KCNQ5: variants seen among roughly 807,000 people sequenced by gnomAD.
The protein encoded by KCNQ5 is potassium voltage-gated channel subfamily KQT member 5.
KCNQ5 carries 30 observed loss-of-function variants against 98.2 expected under a neutral mutation model. The ratio of observed to expected loss-of-function variants is 0.31; its 90% CI spans 0.23 to 0.41. KCNQ5 has a LOEUF of 0.41. Among genes scored for constraint, KCNQ5 ranks in the 10% least tolerant of loss-of-function variants. The probability of loss-of-function intolerance (pLI) is 1.00; values close to 1 mark genes in which losing one functional copy is unlikely to be tolerated. For missense variants in KCNQ5, 835 were observed against 1,182.5 expected, an observed-to-expected ratio of 0.71 and a Z score of 4.31; for synonymous variants, 458 against 449.4, an observed-to-expected ratio of 1.02 and a Z score of -0.24.
chr6:73,181,493 CTCTTCT>C (rs1778403451), intron 11 of KCNQ5, among the ~76,000 whole-genome samples: 4 of 152,206 alleles, frequency 2.6e-5, no homozygotes, highest in African/African-American at 9.6e-5. Context: ...CACTCCCTTT[CTCTTCT>C]AAGGTAATCC....
chr6:72,751,978 A>G (rs1481415475), intron 1 of KCNQ5, among the ~76,000 whole-genome samples: 1 of 152,096 alleles, frequency 6.6e-6, no homozygotes, highest in Non-Finnish European at 1.5e-5. Flanking sequence ...ATAGGATTCA[A>G]ATGTACATCT....
intron 11 of KCNQ5, among the ~76,000 whole-genome samples, chr6:73,176,011 G>A (rs896595788): frequency 3.9e-5 from 6 of 152,204 alleles, no homozygotes; most frequent in African/African-American, 1.2e-4. Context: ...TAGAAAGCAC[G>A]GGTGATGGTT....
At chr6:73,183,293 T>C (rs1350677630) in intron 11 of KCNQ5, among the ~76,000 whole-genome samples, 1 of 152,212 alleles carries the variant, frequency 6.6e-6, no homozygotes, top group African/African-American at 2.4e-5. Context: ...TCTGTGACCT[T>C]GAACAGGTAA....
In KCNQ5 at chr6:73,133,612, A is replaced by G. The variant is rs764093288; in HGVS notation, c.1439A>G (p.Lys480Arg). The G allele has an allele frequency of 2.5e-6, 4 of 1,614,236 alleles. No individual in the cohort carries two copies. The highest frequency in any genetic ancestry group is 2.5e-6 in the Non-Finnish European group (3 of 1,180,036). ...CGCTTCCGGCCCTCGCTGCGCCTCA[A>G]AAGTTCTCAGCCAAAACCAGTGATA... is the stretch of plus-strand genomic sequence containing the variant. ...RTRFRPSLRLKSSQPKPVIDA... is the reference protein window; with the variant it reads ...RTRFRPSLRLRSSQPKPVIDA... Residue 480 changes from lysine to arginine, a missense_variant, in exon 10 of 14, where the codon AAA (lysine) becomes AGA (arginine). Lys to Arg is a conservative substitution (Grantham distance 26, BLOSUM62 2). Transcript: ENST00000370398.
At chr6:73,083,003 G>A (rs992425048) in intron 5 of KCNQ5, among the ~76,000 whole-genome samples, 7 of 144,966 alleles carry the variant, frequency 4.8e-5, no homozygotes, top group African/African-American at 7.6e-5. Context: ...CAGCCCTCCC[G>A]CCTCAGCCTC....
chr6:72,769,797 TTTCTC>T (rs1174815354), intron 1 of KCNQ5, among the ~76,000 whole-genome samples: 2 of 152,116 alleles, frequency 1.3e-5, no homozygotes, highest in East Asian at 3.9e-4. Flanking sequence ...ATGTTGGGCT[TTTCTC>T]TTGGTTTGTT....
At chr6:72,969,766 G>A (rs192277931) in intron 1 of KCNQ5, among the ~76,000 whole-genome samples, 2 of 151,916 alleles carry the variant, frequency 1.3e-5, no homozygotes, top group Admixed American at 6.5e-5. Context: ...GTCAACTATT[G>A]CGGCTCTTTC....
chr6:72,785,535 A>G (rs1773693077), intron 1 of KCNQ5, among the ~76,000 whole-genome samples: 1 of 152,070 alleles, frequency 6.6e-6, no homozygotes, highest in Non-Finnish European at 1.5e-5. Flanking sequence ...CTGTAATCCC[A>G]GATACTCGGG....
chr6:72,992,776 A>G (rs1226763754), intron 1 of KCNQ5, among the ~76,000 whole-genome samples: 1 of 110,132 alleles, frequency 9.1e-6, no homozygotes, highest in Non-Finnish European at 1.7e-5. Flanking sequence ...ACATTTTGGC[A>G]TGATTTTGCA....
intron 1 of KCNQ5, among the ~76,000 whole-genome samples, chr6:72,957,343 G>C (rs1767132379): frequency 6.6e-6 from 1 of 151,626 alleles, no homozygotes; most frequent in African/African-American, 2.4e-5. Context: ...GCTAATTTTT[G>C]TGTTTTTAGT....
At chr6:72,924,144 T>C (rs1387968418) in intron 1 of KCNQ5, among the ~76,000 whole-genome samples, 1 of 152,214 alleles carries the variant, frequency 6.6e-6, no homozygotes, top group African/African-American at 2.4e-5. Context: ...AGTTTTCTTA[T>C]AGTTCATCTT....
chr6:73,068,361 A>T (rs929984292), intron 3 of KCNQ5, among the ~76,000 whole-genome samples: 2 of 152,196 alleles, frequency 1.3e-5, no homozygotes, highest in South Asian at 4.1e-4. Flanking sequence ...CTATCCTGCT[A>T]TGTAATCAGT....
chr6:72,775,095 G>C (rs1773095773), intron 1 of KCNQ5, among the ~76,000 whole-genome samples: 1 of 152,112 alleles, frequency 6.6e-6, no homozygotes, highest in Non-Finnish European at 1.5e-5. Context: ...AAATACATGT[G>C]TTATATTCAC....
intron 1 of KCNQ5, among the ~76,000 whole-genome samples, chr6:72,846,704 T>C (rs545268457): frequency 1.1e-3 from 164 of 152,264 alleles, no homozygotes; most frequent in African/African-American, 3.8e-3. Flanking sequence ...TGACTGCTTA[T>C]GTACCTTCCT....
chr6:72,935,715 C>T (rs926240317), intron 1 of KCNQ5, among the ~76,000 whole-genome samples: 1 of 152,110 alleles, frequency 6.6e-6, no homozygotes, highest in African/African-American at 2.4e-5. Flanking sequence ...ACGGTCTCCA[C>T]TTCCTTCATC....
At chr6:72,648,829 A>C (rs894276191) in intron 1 of KCNQ5, among the ~76,000 whole-genome samples, 14 of 151,516 alleles carry the variant, frequency 9.2e-5, no homozygotes, top group Non-Finnish European at 1.5e-5. Context: ...TCTCAGAAGA[A>C]AAAAAAAGAA....
At position 72,622,144 on chromosome 6, in the gene KCNQ5, C is replaced by A. The variant is rs1289886898; in HGVS notation, c.-46C>A. The A allele has an allele frequency of 8.2e-7, 1 of 1,213,162 alleles. No homozygotes were observed. The allele number at this position is 1,213,162 out of a possible 1,614,324, so 75.1% of individuals were successfully genotyped here. A position where few individuals can be genotyped will look rare whatever the true frequency, so the allele number is the denominator to read the frequency against. On this transcript the variant is annotated 5_prime_UTR_variant, in exon 1 of 14. Coordinates refer to ENST00000370398, the MANE Select transcript of KCNQ5 (RefSeq NM_019842.4). This position sits in a 1 kb window ranked among gnomAD's most constrained non-coding sequence, Gnocchi z 6.0. ...GCCGGCGCACATGAGGCCGCTGCCCCCGCCGCAGGCGCTGGCGGCCCCCTC... is the reference window on the plus strand; with the variant it reads ...GCCGGCGCACATGAGGCCGCTGCCCACGCCGCAGGCGCTGGCGGCCCCCTC...
At chr6:72,862,877 C>G (rs1777826991) in intron 1 of KCNQ5, among the ~76,000 whole-genome samples, 2 of 152,150 alleles carry the variant, frequency 1.3e-5, no homozygotes, top group Non-Finnish European at 2.9e-5. Context: ...ATCCTTCTGC[C>G]TCATCATCCC....
chr6:72,783,728 A>C (rs547459297), intron 1 of KCNQ5, among the ~76,000 whole-genome samples: 1 of 152,378 alleles, frequency 6.6e-6, no homozygotes, highest in Admixed American at 6.5e-5. Context: ...ACCTGGTTAC[A>C]TTAAAAAGTT....
Sources: allele counts gnomAD v4.1 joint callset (sites outside exome capture counted in the v4.1 genomes callset), GRCh38; gene constraint gnomAD v4.1.1; non-coding constraint Gnocchi (gnomAD v3.1); transcripts MANE v1.5; gene names NCBI Gene and HGNC (gene_info 2026-07-23, HGNC 2026-07-21).